The following DES variants were observed in gnomAD, a reference collection of about 807,000 sequenced individuals.
The protein encoded by DES is desmin.
In DES, 34 loss-of-function variants were observed where a neutral mutation model predicts 55.1. The observed-to-expected ratio is 0.62, with a 90% CI of 0.47 to 0.82. The LOEUF is 0.82. DES is among the 40% of genes least tolerant of loss of function. The pLI is 0.00. For synonymous variants in DES, 259 were observed against 270.8 expected (o/e 0.96, Z 0.43); for missense variants, 596 against 645.9 (o/e 0.92, Z 0.84).
Position 219,420,672 on chromosome 2 carries a change from C to G in DES, c.897+16C>G. The G allele has an allele frequency of 3.1e-6, 5 of 1,613,942 alleles. No homozygotes were observed. Among genetic ancestry groups the G allele is most frequent in the South Asian group, 1.1e-5 (1 of 91,060 alleles). On this transcript the variant is annotated intron_variant, in intron 4 of 8. Coordinates refer to ENST00000373960, the MANE Select transcript of DES (RefSeq NM_001927.4). This position sits in a 1 kb window ranked among gnomAD's most constrained non-coding sequence, Gnocchi z 6.0. ...CAAGTCGAAGGTGGGTGGCCTCGCCCGGGGACTGGCATCTCCGTCCCCCTG... is the reference window on the plus strand; with the variant it reads ...CAAGTCGAAGGTGGGTGGCCTCGCCGGGGGACTGGCATCTCCGTCCCCCTG...
rs73085265 is a variant in DES at position 219,426,458 on chromosome 2, G to T, written c.*468G>T. ...AGGGGGACTAGCCCCTGTGGAGACT[G>T]GGGGGCTTGAAATTGTCCCCGTGGT... On this transcript the variant is annotated 3_prime_UTR_variant, in exon 9 of 9. Transcript: ENST00000373960. The surrounding 1 kb of genome is among the most constrained non-coding windows in gnomAD (Gnocchi z 4.5). 0.02 allele frequency: 4,724 copies of T among 240,992 alleles called. 235 individuals carry two copies. Among genetic ancestry groups the T allele is most frequent in the African/African-American group, 0.098 (4,432 of 45,114 alleles). The allele number at this position is 240,992 out of a possible 1,614,324, so 14.9% of individuals were successfully genotyped here.
Position 219,419,177 on chromosome 2 carries a change from T to G in DES, c.578+137T>G. 1.4e-6 allele frequency: 2 copies of G among 1,477,986 alleles called. No individual in the cohort carries two copies. The highest frequency in any genetic ancestry group is 1.8e-6 in the Non-Finnish European group (2 of 1,114,056). 91.6% of individuals were successfully genotyped at this position (1,477,986 alleles called of 1,614,324 possible). ...TCTCCTGCCCCATGTGGAGAAAGGG[T>G]CCTCCACCTGTGTGTTTCAAGGGGC... On this transcript the variant is annotated intron_variant, in intron 1 of 8. Transcript: ENST00000373960. The surrounding 1 kb of genome is among the most constrained non-coding windows in gnomAD (Gnocchi z 4.3).
Position 219,421,569 on chromosome 2 carries a change from C to T in DES, c.1244+9C>T, listed in dbSNP as rs1559353373. The T allele has an allele frequency of 4.3e-6, 7 of 1,612,510 alleles. No homozygotes were observed. The highest frequency in any genetic ancestry group is 1.1e-5 in the South Asian group (1 of 91,012). On this transcript the variant is annotated intron_variant, in intron 6 of 8. Coordinates refer to ENST00000373960, the MANE Select transcript of DES (RefSeq NM_001927.4). Reference sequence around the variant, plus strand: ...GAGGGAGAGGAGAGCCGGTGAGGGGCCAGGCAGGAGCCCGAGTGGGAGGTG... The same window carrying T: ...GAGGGAGAGGAGAGCCGGTGAGGGGTCAGGCAGGAGCCCGAGTGGGAGGTG...
rs773192272 is a variant in DES, at chr2:219,420,761, C to T, written c.898-67C>T. On this transcript the variant is annotated intron_variant, in intron 4 of 8. Coordinates refer to ENST00000373960, the MANE Select transcript of DES (RefSeq NM_001927.4). The surrounding 1 kb of genome is among the most constrained non-coding windows in gnomAD (Gnocchi z 6.0). ...GGGAGGAGAGCCCAGAGGCTTCATG[C>T]TCCCTTGCTCATCCCTACCCGTGCC... The T allele has an allele frequency of 1.8e-5, 29 of 1,613,390 alleles. No individual in the cohort carries two copies. Among genetic ancestry groups the T allele is most frequent in the Non-Finnish European group, 2.4e-5 (28 of 1,179,820 alleles).
At position 219,421,406 on chromosome 2, in the gene DES, C is replaced by A. The variant is rs1224165687; in HGVS notation, c.1090C>A (p.Gln364Lys). Residue 364 changes from glutamine to lysine, a missense_variant, in exon 6 of 9, where the codon CAG becomes AAG. Transcript: ENST00000373960. Reference sequence around the variant, plus strand: ...ATTTGCCAGTGAGGCCAGTGGCTACCAGGACAACATTGCGCGCCTGGAGGA... The same window carrying A: ...ATTTGCCAGTGAGGCCAGTGGCTACAAGGACAACATTGCGCGCCTGGAGGA... ...DRFASEASGY[Q>K]DNIARLEEEI... 6.2e-7 allele frequency: 1 copy of A among 1,614,072 alleles called. No homozygotes were observed. Among genetic ancestry groups the A allele is most frequent in the Non-Finnish European group, 8.5e-7 (1 of 1,180,008 alleles).
In DES at chr2:219,426,292, C is replaced by G. The variant is rs1954537035; in HGVS notation, c.*302C>G. 1.8e-6 allele frequency: 1 copy of G among 553,590 alleles called. No individual in the cohort carries two copies. Among genetic ancestry groups the G allele is most frequent in the Non-Finnish European group, 3.3e-6 (1 of 305,422 alleles). The allele number at this position is 553,590 out of a possible 1,614,324, so 34.3% of individuals were successfully genotyped here. The stretch of plus-strand genomic sequence containing the variant: ...GGCGGGAGCGGTGGCCCTGTCCCTC[C>G]CACCTCTGTGACCTCAGGCACTAGC... On this transcript the variant is annotated 3_prime_UTR_variant, in exon 9 of 9. Coordinates refer to ENST00000373960, the MANE Select transcript of DES (RefSeq NM_001927.4). The surrounding 1 kb of genome is among the most constrained non-coding windows in gnomAD (Gnocchi z 4.5).
At position 219,421,324 on chromosome 2, in the gene DES, T is replaced by C; in HGVS notation, c.1024-16T>C. The stretch of plus-strand genomic sequence containing the variant: ...TCCTCTTCCCTTCCTTGACCTGGGT[T>C]CCCCCTCTCCTGCAGAACGATTCCC... On this transcript the variant is annotated splice_polypyrimidine_tract_variant and intron_variant, in intron 5 of 8. Transcript: ENST00000373960. The C allele has an allele frequency of 6.2e-7, 1 of 1,613,754 alleles. No individual in the cohort carries two copies. Among genetic ancestry groups the C allele is most frequent in the East Asian group, 2.2e-5 (1 of 44,872 alleles).
chr2:219,418,866 C>G lies in DES; in HGVS notation c.404C>G (p.Ala135Gly), dbSNP rs546741834. 5.1e-6 allele frequency: 8 copies of G among 1,574,560 alleles called. No homozygotes were observed. The highest frequency in any genetic ancestry group is 5.2e-6 in the Non-Finnish European group (6 of 1,160,628). The change falls in exon 1 of 9, where the codon GCG (alanine) becomes GGG (glycine). Residue 135 changes from alanine to glycine, a missense_variant. Ala to Gly is a moderately conservative substitution (Grantham distance 60). Coordinates refer to ENST00000373960, the MANE Select transcript of DES (RefSeq NM_001927.4). ...CGCTTCCTGGAGCAGCAGAACGCGGCGCTCGCCGCCGAAGTGAACCGGCTC... is the reference window on the plus strand; with the variant it reads ...CGCTTCCTGGAGCAGCAGAACGCGGGGCTCGCCGCCGAAGTGAACCGGCTC... ...KVRFLEQQNA[A>G]LAAEVNRLKG...
rs370720293 is a variant in DES, at chr2:219,423,804, T to C, written c.1272T>C (p.Ser424=). The C allele has an allele frequency of 2.9e-5, 46 of 1,613,860 alleles. No individual in the cohort carries two copies. The highest frequency in any genetic ancestry group is 6.6e-5 in the South Asian group (6 of 91,084). ...SRINLPIQTY[S]ALNFRETSPE... Reference sequence around the variant, plus strand: ...TCAATCTCCCCATCCAGACCTACTCTGCCCTCAACTTCCGAGGTGAGTGTC... The same window carrying C: ...TCAATCTCCCCATCCAGACCTACTCCGCCCTCAACTTCCGAGGTGAGTGTC... The change falls in exon 7 of 9, where the codon TCT becomes TCC. Residue 424 remains serine (S), a synonymous_variant. Transcript: ENST00000373960.
chr2:219,423,920 G>A, intron 7 of DES, 100 bp downstream of exon 7: 1 of 1,323,420 alleles, frequency 7.6e-7, no homozygotes, highest in Non-Finnish European at 1.1e-6. Flanking sequence ...GGACCCTGGG[G>A]CTAGGGACAG....
chr2:219,425,086 A>G (rs1195936852), intron 7 of DES: 1 of 153,654 alleles, frequency 6.5e-6, no homozygotes, highest in African/African-American at 2.4e-5. Flanking sequence ...TTTAGTAGAG[A>G]CGGGGTTTCA....
chr2:219,421,356 G>C lies in DES; in HGVS notation c.1040G>C (p.Arg347Thr), dbSNP rs1166025977. 6.2e-7 allele frequency: 1 copy of C among 1,614,066 alleles called. No homozygotes were observed. ...CTCCTGCAGAACGATTCCCTGATGA[G>C]GCAGATGCGGGAATTGGAGGACCGA... ...ALKGTNDSLMRQMRELEDRFA... is the reference protein window; with the variant it reads ...ALKGTNDSLMTQMRELEDRFA... The change falls in exon 6 of 9, where the codon AGG (arginine) becomes ACG (threonine). Residue 347 changes from arginine to threonine, a missense_variant. By Grantham distance (71) the Arg-to-Thr change is moderately conservative. Coordinates refer to ENST00000373960, the MANE Select transcript of DES (RefSeq NM_001927.4).
chr2:219,419,145 G>A lies in DES; in HGVS notation c.578+105G>A, dbSNP rs139948855. On this transcript the variant is annotated intron_variant, in intron 1 of 8. Transcript: ENST00000373960. The surrounding 1 kb of genome is among the most constrained non-coding windows in gnomAD (Gnocchi z 4.3). ...CAGCACCTGCCTTCTCCCGGGGCCC[G>A]GGACCCTCTCCTGCCCCATGTGGAG... The A allele has an allele frequency of 9.7e-5, 149 of 1,528,392 alleles. 1 individual carries two copies. In the African/African-American group the frequency reaches 1.1e-3, roughly 11 times the overall value. The allele number at this position is 1,528,392 out of a possible 1,614,324, so 94.7% of individuals were successfully genotyped here.
In DES at chr2:219,420,703, C is replaced by T. The variant is rs1954423639; in HGVS notation, c.897+47C>T. On this transcript the variant is annotated intron_variant, in intron 4 of 8. Coordinates refer to ENST00000373960, the MANE Select transcript of DES (RefSeq NM_001927.4). This position sits in a 1 kb window ranked among gnomAD's most constrained non-coding sequence, Gnocchi z 6.0. The stretch of plus-strand genomic sequence containing the variant: ...CTGGCATCTCCGTCCCCCTGAATCC[C>T]AGCTTGGATGTGCTGCCTGTGGTAC... 3 of 1,613,934 alleles carry T rather than the reference C, an allele frequency of 1.9e-6. No homozygotes were observed. In the South Asian group the frequency reaches 3.3e-5, roughly 18 times the overall value.
In DES at chr2:219,418,798, G is replaced by A; in HGVS notation, c.336G>A (p.Leu112=). 6.4e-7 allele frequency: 1 copy of A among 1,570,828 alleles called. No homozygotes were observed. The highest frequency in any genetic ancestry group is 1.9e-5 in the Admixed American group (1 of 53,050). Residue 112 remains leucine (L), a synonymous_variant, in exon 1 of 9, where the codon CTG becomes CTA. Transcript: ENST00000373960. ...CGCGCACCAACGAGAAGGTGGAGCT[G>A]CAGGAGCTCAATGACCGCTTCGCCA... ...LTTRTNEKVE[L]QELNDRFANY...
Position 219,419,609 on chromosome 2 carries a change from T to TG in DES, c.579-481dup, listed in dbSNP as rs1200003264. Among the ~76,000 whole-genome samples the TG allele has an allele frequency of 5.9e-5, 9 of 152,134 alleles. No individual in the cohort carries two copies. The East Asian group carries it at 1.4e-3, about 23-fold the overall frequency. ...ACAGGCTGGAGAAAAAGGGAGTAGG[T>TG]GGGGGTCACAGCTCTCAGAGAGCTT... On this transcript the variant is annotated intron_variant, in intron 1 of 8. Coordinates refer to ENST00000373960, the MANE Select transcript of DES (RefSeq NM_001927.4). This position sits in a 1 kb window ranked among gnomAD's most constrained non-coding sequence, Gnocchi z 4.3.
rs1191823452 is a variant in DES at position 219,418,422 on chromosome 2, GCCT to G, written c.-35_-33del. ...CTCTCCGGCCGGCCGCCTGCCCGCC[GCCT>G]CCTCCGTGCGCCCGCCAGCCTCGCC... On this transcript the variant is annotated 5_prime_UTR_variant, in exon 1 of 9. Transcript: ENST00000373960. 8.4e-6 allele frequency: 13 copies of G among 1,539,070 alleles called. No homozygotes were observed. The highest frequency in any genetic ancestry group is 1.1e-5 in the Non-Finnish European group (13 of 1,152,706).
At position 219,425,523 on chromosome 2, in the gene DES, T is replaced by G. The variant is rs1054156554; in HGVS notation, c.1289-140T>G. 1.6e-5 allele frequency: 12 copies of G among 751,056 alleles called. No individual in the cohort carries two copies. In the South Asian group the frequency reaches 1.8e-4, roughly 11 times the overall value. The allele number at this position is 751,056 out of a possible 1,614,324, so 46.5% of individuals were successfully genotyped here. ...GGCTGAAGGAAAGGTGTTAAAGTCT[T>G]GAAGAAGTAACAAGCCTGTCTTGAG... On this transcript the variant is annotated intron_variant, in intron 7 of 8. Transcript: ENST00000373960.
Position 219,419,988 on chromosome 2 carries a change from C to G in DES, c.579-107C>G. The G allele has an allele frequency of 8.4e-7, 1 of 1,196,702 alleles. No homozygotes were observed. Among genetic ancestry groups the G allele is most frequent in the Non-Finnish European group, 1.2e-6 (1 of 806,740 alleles). 74.1% of individuals were successfully genotyped at this position (1,196,702 alleles called of 1,614,324 possible). A position where few individuals can be genotyped will look rare whatever the true frequency, so the allele number is the denominator to read the frequency against. On this transcript the variant is annotated intron_variant, in intron 1 of 8. Transcript: ENST00000373960. The surrounding 1 kb of genome is among the most constrained non-coding windows in gnomAD (Gnocchi z 4.3). The stretch of plus-strand genomic sequence containing the variant: ...CTCCTGCCTCTACCCAGCAGCCAGG[C>G]CCTCCCGCTCTGTCCTGGACCCACC...
Sources: gnomAD v4.1 joint callset for allele counts (sites outside exome capture counted in the v4.1 genomes callset) on GRCh38, gnomAD v4.1.1 for gene constraint, Gnocchi (gnomAD v3.1) non-coding constraint, MANE v1.5 for transcripts, NCBI Gene and HGNC (gene_info 2026-07-23, HGNC 2026-07-21) for gene names.